The following MACROD2 variants were observed in gnomAD, a reference collection of about 807,000 sequenced individuals.
MACROD2 encodes the protein mono-ADP ribosylhydrolase 2, also known as ADP-ribose glycohydrolase MACROD2.
A neutral mutation model predicts 70.4 loss-of-function variants in MACROD2; 36 were observed. The observed-to-expected ratio is 0.51, with a 90% confidence interval of 0.39 to 0.68. The LOEUF (loss-of-function observed/expected upper bound fraction) is 0.68, where lower values mean the gene tolerates loss of function less well. Among genes scored for constraint, MACROD2 ranks in the 30% least tolerant of loss-of-function variants. The pLI is 0.00. For missense variants in MACROD2, 496 were observed against 538.4 expected (o/e 0.92, Z 0.78); for synonymous variants, 172 against 178.8 (o/e 0.96, Z 0.30).
chr20:14,284,576 C>T (rs2122419162), intron 3 of MACROD2, among the ~76,000 whole-genome samples: 1 of 152,328 alleles, frequency 6.6e-6, no homozygotes, highest in African/African-American at 2.4e-5. Flanking sequence ...ACTAAACTCT[C>T]ATTAAGATGG....
chr20:14,682,276 T>A (rs76596622), intron 4 of MACROD2, among the ~76,000 whole-genome samples: 4,866 of 152,164 alleles, frequency 0.032, 264 homozygotes, highest in African/African-American at 0.11. Flanking sequence ...ATACTTTTCT[T>A]AAAGCTCTTG....
rs1220542803 is a variant in MACROD2 at position 15,463,139 on chromosome 20, G to A, written c.571+31704G>A. Among the ~76,000 whole-genome samples the A allele has an allele frequency of 2.0e-5, 3 of 152,158 alleles. 1 individual carries two copies. Among genetic ancestry groups the A allele is most frequent in the Admixed American group, 2.0e-4 (3 of 15,270 alleles). ...ACCCAGTGTTCCCCTGGGAGATCAT[G>A]GTTAATGAGTTGGGAAGCTTTGGCA... On this transcript the variant is annotated intron_variant, in intron 7 of 17. Transcript: ENST00000684519.
chr20:15,005,697 A>G (rs2075030216), intron 5 of MACROD2, among the ~76,000 whole-genome samples: 1 of 152,024 alleles, frequency 6.6e-6, no homozygotes, highest in Non-Finnish European at 1.5e-5. Flanking sequence ...TAGTTCTCAA[A>G]TTGCGAATTC....
chr20:14,723,444 T>A (rs2071492826), intron 5 of MACROD2, among the ~76,000 whole-genome samples: 1 of 151,822 alleles, frequency 6.6e-6, no homozygotes, highest in Non-Finnish European at 1.5e-5. Flanking sequence ...CCTGTTTCAT[T>A]TTTATTGGGC....
chr20:14,807,253 G>A (rs1361496040), intron 5 of MACROD2, among the ~76,000 whole-genome samples: 1 of 152,128 alleles, frequency 6.6e-6, no homozygotes, highest in East Asian at 1.9e-4. Flanking sequence ...GGAGCAGGCA[G>A]CAATCTTTAC....
intron 4 of MACROD2, among the ~76,000 whole-genome samples, chr20:14,578,501 C>T (rs186741529): frequency 3.8e-4 from 58 of 152,178 alleles, no homozygotes; most frequent in Admixed American, 3.6e-3. Flanking sequence ...CTTTAAGAAT[C>T]CTGTTCAGTC....
intron 8 of MACROD2, among the ~76,000 whole-genome samples, chr20:15,625,812 TC>T: frequency 6.6e-6 from 1 of 151,564 alleles, no homozygotes; most frequent in East Asian, 1.9e-4. Flanking sequence ...ATGCAAACTT[TC>T]TTCTCTCTCC....
intron 10 of MACROD2, among the ~76,000 whole-genome samples, chr20:15,914,877 A>G (rs1379787589): frequency 6.6e-6 from 1 of 152,192 alleles, no homozygotes; most frequent in Non-Finnish European, 1.5e-5. Context: ...TGGGTTTGAT[A>G]ATTTGCTGGA....
chr20:14,765,891 C>T (rs1365831551), intron 5 of MACROD2, among the ~76,000 whole-genome samples: 2 of 151,976 alleles, frequency 1.3e-5, no homozygotes, highest in Non-Finnish European at 2.9e-5. Flanking sequence ...CTTATGAAAA[C>T]CTGCTGTACC....
intron 4 of MACROD2, among the ~76,000 whole-genome samples, chr20:14,643,480 G>A (rs938972078): frequency 6.6e-6 from 1 of 152,172 alleles, no homozygotes; most frequent in African/African-American, 2.4e-5. Flanking sequence ...TGAAAACATT[G>A]TAAAAAGTTT....
intron 4 of MACROD2, among the ~76,000 whole-genome samples, chr20:14,630,877 T>C (rs1984467802): frequency 6.8e-6 from 1 of 147,734 alleles, no homozygotes; most frequent in South Asian, 2.2e-4. Flanking sequence ...TTTTCCCTGA[T>C]GTACAGATTC....
chr20:14,324,986 A>G (rs2082710881), intron 3 of MACROD2: 1 of 152,584 alleles, frequency 6.6e-6, no homozygotes, highest in African/African-American at 2.4e-5. Flanking sequence ...AGGAAGTTTG[A>G]TATTGCCCAT....
In MACROD2 at chr20:14,160,337, A is replaced by T. The variant is rs542265855; in HGVS notation, c.271+74609A>T. Among the ~76,000 whole-genome samples the T allele has an allele frequency of 9.9e-4, 151 of 152,296 alleles. 4 individuals are homozygous for T. The South Asian group carries it at 0.03, about 30-fold the overall frequency. On this transcript the variant is annotated intron_variant, in intron 3 of 17. Transcript: ENST00000684519. ...GGAAGTTTGGTAGAATTCGGCATTG[A>T]AGCCATTTGGTCCCGGACTTTTCTT...
chr20:14,356,954 T>C (rs2122709386), intron 3 of MACROD2, among the ~76,000 whole-genome samples: 1 of 152,318 alleles, frequency 6.6e-6, no homozygotes. Flanking sequence ...TGGCAGCATG[T>C]CTGGATTTGG....
At chr20:15,175,927 C>T (rs532851733) in intron 5 of MACROD2, among the ~76,000 whole-genome samples, 26 of 152,338 alleles carry the variant, frequency 1.7e-4, no homozygotes, top group Admixed American at 6.5e-4. Flanking sequence ...GGCTCCAGAC[C>T]TGGGAATCTC....
intron 7 of MACROD2, among the ~76,000 whole-genome samples, chr20:15,435,315 G>A (rs766198711): frequency 6.6e-6 from 1 of 152,062 alleles, no homozygotes; most frequent in South Asian, 2.1e-4. Flanking sequence ...GTATATTTAT[G>A]TATCTATAAT....
intron 6 of MACROD2, among the ~76,000 whole-genome samples, chr20:15,332,507 A>C (rs895108088): frequency 6.6e-6 from 1 of 151,708 alleles, no homozygotes; most frequent in Non-Finnish European, 1.5e-5. Flanking sequence ...TAATTGATTT[A>C]GATAAAAACA....
At chr20:15,776,873 T>A (rs754472449) in intron 8 of MACROD2, among the ~76,000 whole-genome samples, 1 of 152,184 alleles carries the variant, frequency 6.6e-6, no homozygotes, top group Non-Finnish European at 1.5e-5. Context: ...TATATTTAAG[T>A]GCCATAGAAG....
intron 5 of MACROD2, among the ~76,000 whole-genome samples, chr20:15,189,794 T>C (rs899633928): frequency 8.5e-5 from 13 of 152,314 alleles, no homozygotes; most frequent in African/African-American, 2.6e-4. Flanking sequence ...ATGAGAAAGA[T>C]GGAATTCAGG....
Sources: gnomAD v4.1 joint callset for allele counts (sites outside exome capture counted in the v4.1 genomes callset) on GRCh38, gnomAD v4.1.1 for gene constraint, MANE v1.5 for transcripts, NCBI Gene and HGNC (gene_info 2026-07-23, HGNC 2026-07-21) for gene names.